Variants in PLCH2 observed in about 807,000 individuals in gnomAD.
PLCH2 encodes the protein phospholipase C eta 2.
Under a neutral mutation model 134.7 loss-of-function variants are expected in PLCH2, and 98 were observed. The ratio of observed to expected loss-of-function variants is 0.73; its 90% CI spans 0.62 to 0.86. The LOEUF is 0.86. Ranked by LOEUF, PLCH2 falls within the 40% of genes least tolerant of loss-of-function variation. The pLI is 0.00. For missense variants in PLCH2, 1,994 were observed against 1,986.6 expected, an observed-to-expected ratio of 1.00 and a Z score of -0.07; for synonymous variants, 974 against 827.5, an observed-to-expected ratio of 1.18 and a Z score of -3.04.
intron 11 of PLCH2, chr1:2,493,555 C>A (rs1642709517): frequency 6.6e-6 from 1 of 152,324 alleles, no homozygotes; most frequent in Non-Finnish European, 1.5e-5. Context: ...CGGGAAGGCC[C>A]CTTGGCCACT....
intron 2 of PLCH2, among the ~76,000 whole-genome samples, chr1:2,458,611 G>A (rs548030301): frequency 2.4e-4 from 37 of 152,290 alleles, no homozygotes; most frequent in African/African-American, 7.7e-4. Context: ...GGAGAAGCTG[G>A]GCTCCATCTG....
intron 2 of PLCH2, among the ~76,000 whole-genome samples, chr1:2,460,574 C>T (rs1640763207): frequency 6.6e-6 from 1 of 152,238 alleles, no homozygotes; most frequent in African/African-American, 2.4e-5. Context: ...ATAAAAGGGA[C>T]ACTGCTTCTT....
At chr1:2,427,799 G>A (rs962366666) in intron 1 of PLCH2, among the ~76,000 whole-genome samples, 6 of 152,006 alleles carry the variant, frequency 3.9e-5, no homozygotes, top group Non-Finnish European at 7.4e-5. Flanking sequence ...CCCTCCAGAA[G>A]TGGGAGCCCT....
rs1639579501 is a variant in PLCH2, at chr1:2,439,305, G to A, written c.115+8676G>A. Among the ~76,000 whole-genome samples the A allele has an allele frequency of 6.6e-6, 1 of 152,186 alleles. No individual in the cohort carries two copies. Among genetic ancestry groups the A allele is most frequent in the Non-Finnish European group, 1.5e-5 (1 of 68,042 alleles). ...CCAGCCCATGCAGCAAGGTGCCTGG[G>A]GGGTCTCAGAGCAGGAGGCTCAGCC... On this transcript the variant is annotated intron_variant, in intron 2 of 3. Transcript: ENST00000609981. This position sits in a 1 kb window ranked among gnomAD's most constrained non-coding sequence, Gnocchi z 4.7.
chr1:2,469,366 G>A (rs2477696), intron 1 of PLCH2, among the ~76,000 whole-genome samples: 1,943 of 152,334 alleles, frequency 0.013, 50 homozygotes, highest in African/African-American at 0.044. Context: ...CTCCGTGCCT[G>A]CGTCCTCTGG....
chr1:2,465,786 ATGGAT>A (rs1000849983), upstream of PLCH2, among the ~76,000 whole-genome samples: 5 of 151,956 alleles, frequency 3.3e-5, no homozygotes, highest in Non-Finnish European at 7.4e-5. Context: ...GGCCCTGAGG[ATGGAT>A]TATTCCTTAG....
intron 11 of PLCH2, among the ~76,000 whole-genome samples, chr1:2,492,000 C>G (rs1320594444): frequency 2.0e-5 from 3 of 152,194 alleles, no homozygotes; most frequent in Non-Finnish European, 4.4e-5. Flanking sequence ...GTGGGCCCTA[C>G]AGACCCTCCA....
Position 2,487,150 on chromosome 1 carries a change from C to T in PLCH2, c.911-23C>T, listed in dbSNP as rs377675070. 6 of 1,544,858 alleles carry T rather than the reference C, an allele frequency of 3.9e-6. No homozygotes were observed. In the African/African-American group the frequency reaches 6.8e-5, roughly 18 times the overall value. On this transcript the variant is annotated intron_variant, in intron 6 of 21. Transcript: ENST00000378486. ...GAGGCTGGTGGTGGGCTGACATGGCCCCTATGCCACGCCGTCCTGCAGGCT... is the reference window on the plus strand; with the variant it reads ...GAGGCTGGTGGTGGGCTGACATGGCTCCTATGCCACGCCGTCCTGCAGGCT...
chr1:2,432,694 C>T (rs991984278), intron 2 of PLCH2, among the ~76,000 whole-genome samples: 8 of 152,156 alleles, frequency 5.3e-5, no homozygotes, highest in African/African-American at 1.4e-4. Context: ...GGAGCCTTCA[C>T]TCCTGATCCC....
intron 2 of PLCH2, among the ~76,000 whole-genome samples, chr1:2,451,842 G>A (rs1447619655): frequency 2.6e-5 from 4 of 152,124 alleles, no homozygotes; most frequent in Non-Finnish European, 5.9e-5. Context: ...GCGGTGGGTG[G>A]TGGTGGGGGG....
rs753657268 is a variant in PLCH2 at position 2,489,340 on chromosome 1, C to T, written c.1369C>T (p.Pro457Ser). ...GAGCAGTGAAGATGCCACCACACTCCCCTCTCCACAGATGCTCAAGGGCAA... is the reference window on the plus strand; with the variant it reads ...GAGCAGTGAAGATGCCACCACACTCTCCTCTCCACAGATGCTCAAGGGCAA... Reference protein sequence around the residue: ...SVSSEDATTLPSPQMLKGKIL... With the variant: ...SVSSEDATTLSSPQMLKGKIL... The change falls in exon 9 of 22, where the codon CCC becomes TCC. Residue 457 changes from proline (P) to serine (S), a missense_variant. By Grantham distance (74) the Pro-to-Ser change is moderately conservative (BLOSUM62 -1). This residue lies in a region of PLCH2 where 1,094 missense variants were observed against 1,234.3 expected (regional missense o/e 0.89). Coordinates refer to ENST00000378486, the MANE Select transcript of PLCH2 (RefSeq NM_014638.4). 1.9e-6 allele frequency: 3 copies of T among 1,613,848 alleles called. No individual in the cohort carries two copies. Among genetic ancestry groups the T allele is most frequent in the Non-Finnish European group, 2.5e-6 (3 of 1,179,886 alleles).
chr1:2,484,421 A>G (rs755801218), intron 4 of PLCH2, 27 bp from the exon 5 acceptor site: 9 of 1,611,282 alleles, frequency 5.6e-6, no homozygotes, highest in South Asian at 2.2e-5. Context: ...CGAGGTGCCA[A>G]TGGGGACCCA....
Position 2,485,252 on chromosome 1 carries a change from C to T in PLCH2, c.816+634C>T, listed in dbSNP as rs369065879. Among the ~76,000 whole-genome samples the T allele has an allele frequency of 4.6e-5, 7 of 152,112 alleles. No homozygotes were observed. The East Asian group carries it at 1.2e-3, about 25-fold the overall frequency. On this transcript the variant is annotated intron_variant, in intron 5 of 21. Transcript: ENST00000378486. Reference sequence around the variant, plus strand: ...GCCCCACTGACCAAGGACCTCATTTCCAGAGGTTCAGGGCTCTGGCCATCT... The same window carrying T: ...GCCCCACTGACCAAGGACCTCATTTTCAGAGGTTCAGGGCTCTGGCCATCT...
chr1:2,447,911 C>G (rs554518621), intron 2 of PLCH2, among the ~76,000 whole-genome samples: 2 of 152,174 alleles, frequency 1.3e-5, no homozygotes, highest in Non-Finnish European at 2.9e-5. Context: ...TCCCTGGCTG[C>G]GGGACTTTGG....
At chr1:2,492,376 T>C (rs1642635033) in intron 11 of PLCH2, 1 of 151,632 alleles carries the variant, frequency 6.6e-6, no homozygotes, top group Admixed American at 6.6e-5. Context: ...TGGGGGAGAG[T>C]GGCCATCTGT....
chr1:2,454,424 G>A (rs1167562095), intron 2 of PLCH2, among the ~76,000 whole-genome samples: 2 of 152,210 alleles, frequency 1.3e-5, no homozygotes, highest in African/African-American at 4.8e-5. Flanking sequence ...GCGGCACCAC[G>A]TGACATGCTT....
In PLCH2 at chr1:2,459,538, T is replaced by C. The variant is rs866940744; in HGVS notation, c.116-18938T>C. ...CCTCCTTCCTGGTGGTCCTCCTTCC[T>C]GGTGGTCCTCCTTCCTGGTGGTCCT... is the stretch of plus-strand genomic sequence containing the variant. On this transcript the variant is annotated intron_variant, in intron 2 of 3. Coordinates refer to the PLCH2 transcript ENST00000609981. Among the ~76,000 whole-genome samples, 147 of 123,586 alleles carry C rather than the reference T, an allele frequency of 1.2e-3. 5 individuals are homozygous for C. The highest frequency in any genetic ancestry group is 1.3e-3 in the Non-Finnish European group (73 of 58,322). The allele number at this position is 123,586 out of a possible 152,430, so 81.1% of individuals were successfully genotyped here.
At chr1:2,483,125 C>T (rs112888375) in intron 4 of PLCH2, among the ~76,000 whole-genome samples, 140 of 152,308 alleles carry the variant, frequency 9.2e-4, no homozygotes, top group African/African-American at 3.2e-3. Flanking sequence ...AGCACCTCCT[C>T]GACTTTTGGA....
At chr1:2,452,562 G>A (rs1018470091) in intron 2 of PLCH2, among the ~76,000 whole-genome samples, 5 of 152,188 alleles carry the variant, frequency 3.3e-5, no homozygotes, top group Non-Finnish European at 5.9e-5. Flanking sequence ...TCCCTCCAGC[G>A]GCGCCTTGCA....
Sources: gnomAD v4.1 joint callset for allele counts (sites outside exome capture counted in the v4.1 genomes callset) on GRCh38, gnomAD v4.1.1 for gene constraint, gnomAD v4.1.1 regional missense constraint, Gnocchi (gnomAD v3.1) non-coding constraint, MANE v1.5 for transcripts, NCBI Gene and HGNC (gene_info 2026-07-23, HGNC 2026-07-21) for gene names.